PRDM7: variants seen among roughly 807,000 people sequenced by gnomAD.
The protein encoded by PRDM7 is histone-lysine N-methyltransferase PRDM7.
PRDM7 carries 52 observed loss-of-function variants against 64.3 expected under a neutral mutation model. The ratio of observed to expected loss-of-function variants is 0.81; its 90% CI spans 0.65 to 1.02. The LOEUF (loss-of-function observed/expected upper bound fraction) is 1.02, where lower values mean the gene tolerates loss of function less well. PRDM7 is among the 50% of genes least tolerant of loss of function. The probability of loss-of-function intolerance (pLI) is 0.00; values close to 1 mark genes in which losing one functional copy is unlikely to be tolerated. For synonymous variants in PRDM7, 192 were observed against 210.1 expected, an observed-to-expected ratio of 0.91 and a Z score of 0.74; for missense variants, 574 against 597.1, an observed-to-expected ratio of 0.96 and a Z score of 0.40.
chr16:90,061,357 G>T, intron 9 of PRDM7, 95 bp downstream of exon 9: 1 of 1,302,080 alleles, frequency 7.7e-7, no homozygotes, highest in Non-Finnish European at 1.1e-6. Flanking sequence ...TAGGGGATGT[G>T]AAAATCATTG....
chr16:90,067,039 A>G (rs1056422851), intron 4 of PRDM7, 129 bp from the exon 5 acceptor site: 5 of 738,872 alleles, frequency 6.8e-6, no homozygotes, highest in Non-Finnish European at 1.2e-5. Flanking sequence ...ATCTCCCCTC[A>G]CTGCAACCTC....
At chr16:90,070,315 G>C (rs1314354417) in intron 4 of PRDM7, among the ~76,000 whole-genome samples, 1 of 150,576 alleles carries the variant, frequency 6.6e-6, no homozygotes, top group East Asian at 2.0e-4. Flanking sequence ...GCTTTTGGTT[G>C]GGTGCGGTGT....
intron 4 of PRDM7, among the ~76,000 whole-genome samples, chr16:90,068,172 GGGAGGCTGAGGCA>G (rs1447671395): frequency 1.3e-5 from 2 of 149,372 alleles, no homozygotes; most frequent in African/African-American, 2.5e-5. Context: ...CCAGCTACTC[GGGAGGCTGAGGCA>G]GGAGAATCAC....
rs748415476 is a variant in PRDM7, at chr16:90,063,797, A to G, written c.352-29T>C. On this transcript the variant is annotated intron_variant, in intron 5 of 10. Transcript: ENST00000449207. Reference sequence around the variant, plus strand: ...TAATGTGAGAATCACATATTAAAAGACAACGTGCATTTATTTAGTTCTTTA... The same window carrying G: ...TAATGTGAGAATCACATATTAAAAGGCAACGTGCATTTATTTAGTTCTTTA... The G allele has an allele frequency of 6.8e-6, 11 of 1,612,338 alleles. No individual in the cohort carries two copies. In the Admixed American group the frequency reaches 1.7e-4, roughly 25 times the overall value.
chr16:90,069,800 T>A (rs1324069842), intron 4 of PRDM7, among the ~76,000 whole-genome samples: 2 of 151,114 alleles, frequency 1.3e-5, no homozygotes, highest in East Asian at 3.8e-4. Flanking sequence ...ATGGGTGTAA[T>A]CCCAGCACTT....
At chr16:90,061,211 G>A (rs941740658) in intron 9 of PRDM7, among the ~76,000 whole-genome samples, 2 of 152,104 alleles carry the variant, frequency 1.3e-5, no homozygotes, top group Non-Finnish European at 2.9e-5. Context: ...CCTTATCAAG[G>A]TTTATCTTGG....
In PRDM7 at chr16:90,060,433, C is replaced by G. The variant is rs770735872; in HGVS notation, c.1141G>C (p.Val381Leu). The change falls in exon 10 of 11, where the codon GTG becomes CTG. Residue 381 changes from valine (V) to leucine (L), a missense_variant. Transcript: ENST00000449207. ...ATCCCCATACCAGACCAGCAGTTCA[C>G]AGCCTGGCCTAATGACTCGGCAGGT... The part of the protein sequence containing the change: ...IEPAESLGQA[V>L]NCWSGMGMSM... 1 of 1,613,836 alleles carries G rather than the reference C, an allele frequency of 6.2e-7. No individual in the cohort carries two copies. Among genetic ancestry groups the G allele is most frequent in the Non-Finnish European group, 8.5e-7 (1 of 1,179,840 alleles).
Position 90,057,916 on chromosome 16 carries a change from G to T in PRDM7, c.*373C>A, listed in dbSNP as rs2037708181. The T allele has an allele frequency of 9.5e-6, 15 of 1,572,098 alleles. No individual in the cohort carries two copies. Among genetic ancestry groups the T allele is most frequent in the African/African-American group, 1.4e-5 (1 of 74,026 alleles). ...TGAGGAGGACTGACTTCCGGCTAAA[G>T]CCCCGCTCACACTCTCTGCAGACAT... On this transcript the variant is annotated 3_prime_UTR_variant, in exon 11 of 11. Transcript: ENST00000449207.
intron 5 of PRDM7, among the ~76,000 whole-genome samples, chr16:90,065,580 T>G (rs1347930252): frequency 6.8e-6 from 1 of 147,976 alleles, no homozygotes; most frequent in Non-Finnish European, 1.5e-5. Context: ...ACAAAACACA[T>G]AAAAATTAGC....
In PRDM7 at chr16:90,058,004, T is replaced by G. The variant is rs1469976861; in HGVS notation, c.*285A>C. The stretch of plus-strand genomic sequence containing the variant: ...GAGGTCTGACTTCCGGCTAAAGCCC[T>G]CCCACACTCTCTGCAGACGTAGGGC... On this transcript the variant is annotated 3_prime_UTR_variant, in exon 11 of 11. Coordinates refer to ENST00000449207, the MANE Select transcript of PRDM7 (RefSeq NM_001098173.2). The G allele has an allele frequency of 1.2e-6, 2 of 1,607,276 alleles. No homozygotes were observed. Among genetic ancestry groups the G allele is most frequent in the South Asian group, 2.2e-5 (2 of 90,994 alleles).
rs766235686 is a variant in PRDM7 at position 90,066,872 on chromosome 16, T to C, written c.340A>G (p.Lys114Glu). ...TGGGAGATACTTACCTTCTGGTGTT[T>C]ACTCTGTTCTCCTCTGAAGGCCATC... is the stretch of plus-strand genomic sequence containing the variant. ...PWMAFRGEQSKHQKGMPKASF... is the reference protein window; with the variant it reads ...PWMAFRGEQSEHQKGMPKASF... The change falls in exon 5 of 11, where the codon AAA becomes GAA. Residue 114 changes from lysine to glutamate, a missense_variant. Transcript: ENST00000449207. 21 of 1,595,816 alleles carry C rather than the reference T, an allele frequency of 1.3e-5. No homozygotes were observed. The East Asian group carries it at 4.0e-4, about 31-fold the overall frequency.
intron 10 of PRDM7, among the ~76,000 whole-genome samples, chr16:90,058,985 G>A (rs977971861): frequency 6.6e-5 from 10 of 152,196 alleles, no homozygotes; most frequent in African/African-American, 2.4e-4. Context: ...GATGACTTAG[G>A]TGAGATTGTC....
intron 6 of PRDM7, among the ~76,000 whole-genome samples, chr16:90,062,828 A>T (rs2037805440): frequency 6.6e-6 from 1 of 152,226 alleles, no homozygotes. Context: ...AAAGGCCTGG[A>T]CATACAACAC....
intron 4 of PRDM7, among the ~76,000 whole-genome samples, chr16:90,067,376 A>G (rs1263343021): frequency 5.3e-5 from 8 of 151,058 alleles, no homozygotes; most frequent in Non-Finnish European, 1.0e-4. Context: ...ATTAAGGCCT[A>G]TGCTTCTATT....
Position 90,057,501 on chromosome 16 carries a change from A to C in PRDM7, c.*788T>G, listed in dbSNP as rs1323507051. On this transcript the variant is annotated 3_prime_UTR_variant, in exon 11 of 11. Transcript: ENST00000449207. ...TCTTCCTTCCTTCAGTGATAAGGGA[A>C]GAATGAGGTACACACTTGGGGTTCA... The C allele has an allele frequency of 1.0e-4, 20 of 197,662 alleles. No individual in the cohort carries two copies. In the Admixed American group the frequency reaches 1.1e-3, roughly 10 times the overall value. The allele number at this position is 197,662 out of a possible 1,614,324, so 12.2% of individuals were successfully genotyped here. A position where few individuals can be genotyped will look rare whatever the true frequency, so the allele number is the denominator to read the frequency against.
intron 10 of PRDM7, among the ~76,000 whole-genome samples, chr16:90,059,143 C>T (rs1049077788): frequency 4.6e-5 from 7 of 152,138 alleles, no homozygotes; most frequent in Non-Finnish European, 7.4e-5. Flanking sequence ...GTTATGTGCC[C>T]GGTTCTCCAT....
In PRDM7 at chr16:90,057,424, T is replaced by A. The variant is rs2037702748; in HGVS notation, c.*865A>T. Reference sequence around the variant, plus strand: ...AAGTTTATGTCTTTCTGGGGTTGAATTCCTGTGGAGACTTGAACTGAACGT... The same window carrying A: ...AAGTTTATGTCTTTCTGGGGTTGAAATCCTGTGGAGACTTGAACTGAACGT... On this transcript the variant is annotated 3_prime_UTR_variant, in exon 11 of 11. Transcript: ENST00000449207. The A allele has an allele frequency of 6.3e-6, 1 of 159,104 alleles. No individual in the cohort carries two copies. The highest frequency in any genetic ancestry group is 2.4e-5 in the African/African-American group (1 of 41,482). 9.9% of individuals were successfully genotyped at this position (159,104 alleles called of 1,614,324 possible). A position where few individuals can be genotyped will look rare whatever the true frequency, so the allele number is the denominator to read the frequency against.
chr16:90,074,980 C>G lies in PRDM7; in HGVS notation c.237G>C (p.Gln79His). The G allele has an allele frequency of 6.2e-7, 1 of 1,614,132 alleles. No individual in the cohort carries two copies. The highest frequency in any genetic ancestry group is 8.5e-7 in the Non-Finnish European group (1 of 1,180,032). Residue 79 changes from glutamine (Q) to histidine (H), a missense_variant, in exon 4 of 11, where the codon CAG (glutamine) becomes CAC (histidine). Coordinates refer to ENST00000449207, the MANE Select transcript of PRDM7 (RefSeq NM_001098173.2). ...TGTCATCCACCTGGAGTTTGATGGC[C>G]TGCCTTCGGTGACACATGAAAGCTG... ...TRPAFMCHRR[Q>H]AIKLQVDDTE...
intron 10 of PRDM7, 62 bp downstream of exon 10, chr16:90,060,279 G>A: frequency 1.9e-6 from 3 of 1,612,542 alleles, no homozygotes; most frequent in Non-Finnish European, 2.5e-6. Flanking sequence ...GTTCAATCAT[G>A]AAAATTCTCT....
Sources: allele counts gnomAD v4.1 joint callset (sites outside exome capture counted in the v4.1 genomes callset), GRCh38; gene constraint gnomAD v4.1.1; transcripts MANE v1.5; gene names NCBI Gene and HGNC (gene_info 2026-07-23, HGNC 2026-07-21).